The following NELL1 variants were observed in gnomAD, a reference collection of about 807,000 sequenced individuals.
NELL1 encodes the protein neural EGFL like 1.
NELL1 carries 76 observed loss-of-function variants against 107.4 expected under a neutral mutation model. That is an observed-to-expected ratio of 0.71 (90% CI 0.59 to 0.86). NELL1 has a LOEUF of 0.86. Among genes scored for constraint, NELL1 ranks in the 40% least tolerant of loss-of-function variants. The pLI, the probability that NELL1 is intolerant of heterozygous loss-of-function variation, is 0.00. For synonymous variants in NELL1, 353 were observed against 341.2 expected (o/e 1.03, Z -0.38); for missense variants, 1,024 against 1,005.5 (o/e 1.02, Z -0.25).
chr11:21,220,016 C>A (rs1857713816), intron 13 of NELL1, among the ~76,000 whole-genome samples: 1 of 152,064 alleles, frequency 6.6e-6, no homozygotes, highest in African/African-American at 2.4e-5. Context: ...TTTAAACAAC[C>A]AGATGTCATG....
intron 2 of NELL1, among the ~76,000 whole-genome samples, chr11:20,711,473 T>C (rs1628429): frequency 0.33 from 50,852 of 151,920 alleles, 9,571 homozygotes; most frequent in African/African-American, 0.5. Flanking sequence ...GTTTTATAGG[T>C]CCTGTGAGAT....
chr11:20,829,450 A>G (rs1431865386), intron 3 of NELL1, among the ~76,000 whole-genome samples: 2 of 151,930 alleles, frequency 1.3e-5, no homozygotes, highest in Non-Finnish European at 1.5e-5. Flanking sequence ...CTGGTCTCCA[A>G]TGCCTGACCT....
chr11:20,813,531 A>G (rs1857549824), intron 3 of NELL1, among the ~76,000 whole-genome samples: 2 of 152,078 alleles, frequency 1.3e-5, no homozygotes, highest in Non-Finnish European at 2.9e-5. Flanking sequence ...GATTCTGGGT[A>G]CTCAGCTCTC....
intron 2 of NELL1, among the ~76,000 whole-genome samples, chr11:20,722,161 C>T (rs1166876703): frequency 1.3e-5 from 2 of 151,970 alleles, no homozygotes; most frequent in Admixed American, 6.6e-5. Flanking sequence ...GCTGGGATTA[C>T]AGGTGTGTGC....
At chr11:21,288,126 ATG>A (rs2133956005) in intron 14 of NELL1, among the ~76,000 whole-genome samples, 1 of 151,724 alleles carries the variant, frequency 6.6e-6, no homozygotes, top group Non-Finnish European at 1.5e-5. Context: ...AAGGGAAGGA[ATG>A]AAAGGAAGGA....
chr11:21,300,399 A>G (rs4635077), intron 14 of NELL1, among the ~76,000 whole-genome samples: 140,944 of 152,068 alleles, frequency 0.93, 65,457 homozygotes, highest in Non-Finnish European at 0.95. Context: ...GAGGCCAGAA[A>G]AAGGGCTTTA....
intron 15 of NELL1, among the ~76,000 whole-genome samples, chr11:21,524,060 C>A (rs925154518): frequency 3.9e-5 from 6 of 152,040 alleles, no homozygotes; most frequent in African/African-American, 1.4e-4. Flanking sequence ...ACATTTTGAA[C>A]ATATTTTTAA....
At chr11:21,122,364 A>G (rs775574060) in intron 13 of NELL1, among the ~76,000 whole-genome samples, 19 of 152,218 alleles carry the variant, frequency 1.2e-4, no homozygotes, top group Non-Finnish European at 2.2e-4. Flanking sequence ...GCTCCACTCT[A>G]TCCACATTCA....
At chr11:21,456,271 T>C (rs1853732496) in intron 15 of NELL1, among the ~76,000 whole-genome samples, 1 of 152,108 alleles carries the variant, frequency 6.6e-6, no homozygotes, top group African/African-American at 2.4e-5. Flanking sequence ...GAGACTTCAT[T>C]TTTCCCTCTC....
At chr11:21,146,136 G>A (rs974315499) in intron 13 of NELL1, among the ~76,000 whole-genome samples, 1 of 152,136 alleles carries the variant, frequency 6.6e-6, no homozygotes, top group African/African-American at 2.4e-5. Flanking sequence ...ATTAAATTAT[G>A]TAATGTGTAT....
At chr11:21,136,289 A>AG (rs1310415425) in intron 13 of NELL1, among the ~76,000 whole-genome samples, 1 of 152,070 alleles carries the variant, frequency 6.6e-6, no homozygotes, top group Non-Finnish European at 1.5e-5. Context: ...GCCTGTTGTG[A>AG]GGGGGGTGGG....
chr11:20,694,867 A>G (rs1344116142), intron 2 of NELL1, among the ~76,000 whole-genome samples: 7 of 151,924 alleles, frequency 4.6e-5, no homozygotes, highest in Admixed American at 4.6e-4. Context: ...TGTTGAATCC[A>G]TAGATTGCTT....
chr11:21,411,739 A>T (rs1316373941), intron 15 of NELL1, among the ~76,000 whole-genome samples: 1 of 152,094 alleles, frequency 6.6e-6, no homozygotes, highest in Non-Finnish European at 1.5e-5. Context: ...ATGAGGTATG[A>T]TTCAGGTGAG....
intron 4 of NELL1, among the ~76,000 whole-genome samples, chr11:20,850,063 GA>G (rs1045532061): frequency 2.0e-5 from 3 of 152,164 alleles, no homozygotes; most frequent in African/African-American, 4.8e-5. Context: ...ACAAATAAAT[GA>G]AGTCGTGGAA....
intron 15 of NELL1, among the ~76,000 whole-genome samples, chr11:21,496,791 T>C (rs1177053029): frequency 1.3e-5 from 2 of 152,160 alleles, no homozygotes; most frequent in Admixed American, 6.5e-5. Context: ...TTTCAAATTG[T>C]TTTTAACTTA....
intron 5 of NELL1, among the ~76,000 whole-genome samples, chr11:20,915,099 T>G (rs562055483): frequency 1.8e-4 from 27 of 152,066 alleles, no homozygotes; most frequent in Non-Finnish European, 3.7e-4. Context: ...CAGGGGATAC[T>G]AAGATGAAAA....
At chr11:20,694,192 T>G in intron 2 of NELL1, among the ~76,000 whole-genome samples, 1 of 152,078 alleles carries the variant, frequency 6.6e-6, no homozygotes, top group East Asian at 1.9e-4. Context: ...TCGTCTAAAT[T>G]TTTTTCAAAG....
intron 2 of NELL1, among the ~76,000 whole-genome samples, chr11:20,729,819 G>A (rs1381514245): frequency 2.0e-5 from 3 of 152,100 alleles, no homozygotes; most frequent in African/African-American, 4.8e-5. Flanking sequence ...GCTCTCTTCT[G>A]CTGTGGCGGT....
At chr11:20,984,286 T>C (rs1482024703) in intron 12 of NELL1, among the ~76,000 whole-genome samples, 1 of 152,198 alleles carries the variant, frequency 6.6e-6, no homozygotes, top group African/African-American at 2.4e-5. Flanking sequence ...AATATTTGAA[T>C]CTCAGCTGTT....
Sources: allele counts gnomAD v4.1 joint callset (sites outside exome capture counted in the v4.1 genomes callset), GRCh38; gene constraint gnomAD v4.1.1; transcripts MANE v1.5; gene names NCBI Gene and HGNC (gene_info 2026-07-23, HGNC 2026-07-21).